The following LRCH3 variants were observed in gnomAD, a reference collection of about 807,000 sequenced individuals.
LRCH3 encodes DISP complex protein LRCH3.
A neutral mutation model predicts 104.5 loss-of-function variants in LRCH3; 68 were observed. That is an observed-to-expected ratio of 0.65 (90% CI 0.54 to 0.80). LRCH3 has a LOEUF of 0.80. Among genes scored for constraint, LRCH3 ranks in the 30% least tolerant of loss-of-function variants. LRCH3 has a pLI of 0.00. For synonymous variants in LRCH3, 344 were observed against 361.3 expected (o/e 0.95, Z 0.54); for missense variants, 951 against 953.9 (o/e 1.00, Z 0.04).
intron 15 of LRCH3, among the ~76,000 whole-genome samples, chr3:197,864,697 TTTC>T (rs1289610000): frequency 2.1e-4 from 32 of 149,840 alleles, no homozygotes; most frequent in South Asian, 4.2e-4. Flanking sequence ...CTCATTTCTT[TTTC>T]TTCTTCTTCT....
intron 1 of LRCH3, among the ~76,000 whole-genome samples, chr3:197,800,266 A>G (rs1731734565): frequency 6.6e-6 from 1 of 152,214 alleles, no homozygotes; most frequent in Non-Finnish European, 1.5e-5. Flanking sequence ...AAGGTAAGCC[A>G]CAGTCTTCTT....
intron 15 of LRCH3, among the ~76,000 whole-genome samples, chr3:197,864,712 T>C (rs557239808): frequency 3.0e-4 from 44 of 147,762 alleles, no homozygotes; most frequent in African/African-American, 7.6e-4. Flanking sequence ...TCTTCTTCTT[T>C]TTTTTTTTTT....
chr3:197,875,280 TA>T (rs909926557), intron 19 of LRCH3, among the ~76,000 whole-genome samples: 2 of 152,038 alleles, frequency 1.3e-5, no homozygotes, highest in African/African-American at 2.4e-5. Flanking sequence ...TCTGATCCTT[TA>T]AAAAAAAGTT....
At chr3:197,846,288 C>T (rs1738676619) in intron 10 of LRCH3, among the ~76,000 whole-genome samples, 1 of 150,136 alleles carries the variant, frequency 6.7e-6, no homozygotes, top group Admixed American at 6.7e-5. Context: ...ACCTGTAGGC[C>T]AGCTGTTCGA....
intron 5 of LRCH3, among the ~76,000 whole-genome samples, chr3:197,828,203 A>G (rs1037246953): frequency 6.6e-6 from 1 of 152,044 alleles, no homozygotes; most frequent in African/African-American, 2.4e-5. Context: ...ACAAATTCCT[A>G]CTTTAGACAG....
At chr3:197,851,871 G>A (rs1165519091) in intron 12 of LRCH3, among the ~76,000 whole-genome samples, 1 of 152,170 alleles carries the variant, frequency 6.6e-6, no homozygotes, top group Non-Finnish European at 1.5e-5. Context: ...TTTCAAATGA[G>A]GGTCTAGCAT....
Position 197,852,231 on chromosome 3 carries a change from G to A in LRCH3, c.1531-330G>A, listed in dbSNP as rs538396305. ...AGGTGGAGTGGGGTTTCCAAGTAGA[G>A]AGTTTCCATAGACAGTTGAAAACAC... On this transcript the variant is annotated intron_variant, in intron 12 of 20. Coordinates refer to ENST00000425562, the MANE Select transcript of LRCH3 (RefSeq NM_001365715.1). 8.8e-5 allele frequency: 19 copies of A among 214,868 alleles called. No individual in the cohort carries two copies. In the South Asian group the frequency reaches 1.9e-3, roughly 21 times the overall value. The allele number at this position is 214,868 out of a possible 1,614,324, so 13.3% of individuals were successfully genotyped here.
chr3:197,867,081 C>G (rs924580533), intron 17 of LRCH3, among the ~76,000 whole-genome samples: 1 of 152,030 alleles, frequency 6.6e-6, no homozygotes, highest in Non-Finnish European at 1.5e-5. Context: ...TCATGACCAG[C>G]CTGGCCAACA....
chr3:197,827,552 A>C (rs920424953), intron 5 of LRCH3, among the ~76,000 whole-genome samples: 1 of 152,240 alleles, frequency 6.6e-6, no homozygotes, highest in Non-Finnish European at 1.5e-5. Flanking sequence ...AATTTCTTTT[A>C]AAATGGATTC....
intron 1 of LRCH3, among the ~76,000 whole-genome samples, chr3:197,797,751 A>G (rs1731390519): frequency 6.6e-6 from 1 of 151,640 alleles, no homozygotes; most frequent in African/African-American, 2.4e-5. Context: ...AATCCCAGCT[A>G]CTCAGGAGAC....
Position 197,854,517 on chromosome 3 carries a change from C to G in LRCH3, c.1644+72C>G. On this transcript the variant is annotated intron_variant, in intron 14 of 20. Transcript: ENST00000425562. The surrounding 1 kb of genome is among the most constrained non-coding windows in gnomAD (Gnocchi z 4.5). ...ATTGTACTTTTTATTCAGAAACTAT[C>G]TAAATACCATAAAACATGATGAACA... 7.5e-7 allele frequency: 1 copy of G among 1,335,406 alleles called. No homozygotes were observed. Among genetic ancestry groups the G allele is most frequent in the Non-Finnish European group, 1.1e-6 (1 of 926,206 alleles). 82.7% of individuals were successfully genotyped at this position (1,335,406 alleles called of 1,614,324 possible).
At chr3:197,858,722 A>G in intron 14 of LRCH3, 112 bp from the exon 15 acceptor site, 1 of 889,060 alleles carries the variant, frequency 1.1e-6, no homozygotes, top group Non-Finnish European at 1.9e-6. Flanking sequence ...AACCATTTGA[A>G]AGATCGTCAG....
At chr3:197,858,537 G>A (rs1180952342) in intron 14 of LRCH3, among the ~76,000 whole-genome samples, 4 of 152,020 alleles carry the variant, frequency 2.6e-5, no homozygotes, top group African/African-American at 9.7e-5. Context: ...TGCTAACAAT[G>A]TTGATGTTCT....
At chr3:197,869,593 C>T (rs559657711) in intron 17 of LRCH3, among the ~76,000 whole-genome samples, 2 of 138,002 alleles carry the variant, frequency 1.4e-5, no homozygotes, top group Non-Finnish European at 3.1e-5. Flanking sequence ...TGCACTGTAC[C>T]TGCAGGAAGT....
chr3:197,835,663 G>A lies in LRCH3; in HGVS notation c.1103-11G>A. Reference sequence around the variant, plus strand: ...TGTGTGTGTGTGTGGGTGTGTGTGTGGTGTATACAGTGGAACATGATCTGG... The same window carrying A: ...TGTGTGTGTGTGTGGGTGTGTGTGTAGTGTATACAGTGGAACATGATCTGG... On this transcript the variant is annotated splice_polypyrimidine_tract_variant and intron_variant, in intron 8 of 20. Transcript: ENST00000425562. 6.2e-7 allele frequency: 1 copy of A among 1,608,918 alleles called. No individual in the cohort carries two copies. The highest frequency in any genetic ancestry group is 8.5e-7 in the Non-Finnish European group (1 of 1,177,146).
rs1471802544 is a variant in LRCH3 at position 197,870,148 on chromosome 3, A to G, written c.1874-12A>G. ...AGTTGCCTTTCTGTCTTACATATTA[A>G]TATTTTTATAGGTCATGCTTCACCC... On this transcript the variant is annotated splice_polypyrimidine_tract_variant and intron_variant, in intron 17 of 20. Transcript: ENST00000425562. The G allele has an allele frequency of 6.2e-7, 1 of 1,610,234 alleles. No homozygotes were observed. The highest frequency in any genetic ancestry group is 1.1e-5 in the South Asian group (1 of 90,642).
chr3:197,879,464 G>A (rs893801719), intron 20 of LRCH3, among the ~76,000 whole-genome samples: 26 of 150,976 alleles, frequency 1.7e-4, no homozygotes, highest in Admixed American at 2.6e-4. Flanking sequence ...GGCTAACATG[G>A]TGAAACCCCG....
Position 197,883,293 on chromosome 3 carries a change from C to A in LRCH3, c.2209-248C>A. 1 of 1,273,980 alleles carries A rather than the reference C, an allele frequency of 7.8e-7. No homozygotes were observed. Among genetic ancestry groups the A allele is most frequent in the Non-Finnish European group, 9.9e-7 (1 of 1,005,476 alleles). The allele number at this position is 1,273,980 out of a possible 1,614,324, so 78.9% of individuals were successfully genotyped here. ...CCTCTGTTGTATGTATAGATATATG[C>A]TACTTGTCAATTTTCCAATTTTGAA... On this transcript the variant is annotated intron_variant, in intron 20 of 20. Coordinates refer to ENST00000425562, the MANE Select transcript of LRCH3 (RefSeq NM_001365715.1). This position sits in a 1 kb window ranked among gnomAD's most constrained non-coding sequence, Gnocchi z 4.2.
intron 10 of LRCH3, among the ~76,000 whole-genome samples, chr3:197,840,854 A>G (rs1290692221): frequency 6.6e-6 from 1 of 152,186 alleles, no homozygotes; most frequent in Non-Finnish European, 1.5e-5. Context: ...TTGAGAGTGT[A>G]GTCTTTTAAG....
Sources: allele counts gnomAD v4.1 joint callset (sites outside exome capture counted in the v4.1 genomes callset), GRCh38; gene constraint gnomAD v4.1.1; non-coding constraint Gnocchi (gnomAD v3.1); transcripts MANE v1.5; gene names NCBI Gene and HGNC (gene_info 2026-07-23, HGNC 2026-07-21).